SUN2: variants seen among roughly 807,000 people sequenced by gnomAD.
The protein encoded by SUN2 is Sad1 and UNC84 domain containing 2.
SUN2 carries 60 observed loss-of-function variants against 100.0 expected under a neutral mutation model. The observed-to-expected ratio is 0.60, with a 90% CI of 0.49 to 0.74. The LOEUF (loss-of-function observed/expected upper bound fraction) is 0.74, where lower values mean the gene tolerates loss of function less well. Ranked by LOEUF, SUN2 falls within the 30% of genes least tolerant of loss-of-function variation. The probability of loss-of-function intolerance (pLI) is 0.00; values close to 1 mark genes in which losing one functional copy is unlikely to be tolerated. For synonymous variants in SUN2, 367 were observed against 403.3 expected (o/e 0.91, Z 1.08); for missense variants, 834 against 954.6 (o/e 0.87, Z 1.66).
chr22:38,751,378 G>A lies in SUN2; in HGVS notation c.123-5C>T. 1.2e-6 allele frequency: 2 copies of A among 1,613,222 alleles called. No individual in the cohort carries two copies. The highest frequency in any genetic ancestry group is 1.7e-6 in the Non-Finnish European group (2 of 1,179,964). On this transcript the variant is annotated splice_region_variant and splice_polypyrimidine_tract_variant and intron_variant, in intron 2 of 17. Transcript: ENST00000689035. ...CTGGATTTCCTCTTCAAGGTCCTGT[G>A]GGACAACCATGAGGGCAGAGGTAGG...
chr22:38,739,067 GA>G lies in SUN2; in HGVS notation c.1664-80del. Reference sequence around the variant, plus strand: ...TCAGGCCATTGGCTGTCTCCTCGCTGAAGGTGGACGGCAGATGCCCCAGGCC... The same window carrying G: ...TCAGGCCATTGGCTGTCTCCTCGCTGAGGTGGACGGCAGATGCCCCAGGCC... On this transcript the variant is annotated intron_variant, in intron 14 of 17. Coordinates refer to ENST00000689035, the MANE Select transcript of SUN2 (RefSeq NM_015374.3). The surrounding 1 kb of genome is among the most constrained non-coding windows in gnomAD (Gnocchi z 6.7). The G allele has an allele frequency of 2.2e-6, 3 of 1,392,654 alleles. No homozygotes were observed. Among genetic ancestry groups the G allele is most frequent in the Non-Finnish European group, 3.0e-6 (3 of 1,003,762 alleles). The allele number at this position is 1,392,654 out of a possible 1,614,324, so 86.3% of individuals were successfully genotyped here.
intron 1 of SUN2, 74 bp from the exon 2 acceptor site, chr22:38,752,739 CAG>C (rs937339224): frequency 2.1e-5 from 31 of 1,481,832 alleles, no homozygotes; most frequent in African/African-American, 2.8e-5. Context: ...GGAGGTGGGA[CAG>C]AGGCATCGCC....
In SUN2 at chr22:38,755,014, C is replaced by A; in HGVS notation, c.-38+749G>T. The A allele has an allele frequency of 8.0e-7, 1 of 1,242,670 alleles. No individual in the cohort carries two copies. The highest frequency in any genetic ancestry group is 1.1e-6 in the Non-Finnish European group (1 of 951,526). 77.0% of individuals were successfully genotyped at this position (1,242,670 alleles called of 1,614,324 possible). On this transcript the variant is annotated intron_variant, in intron 1 of 17. Coordinates refer to ENST00000689035, the MANE Select transcript of SUN2 (RefSeq NM_015374.3). The surrounding 1 kb of genome is among the most constrained non-coding windows in gnomAD (Gnocchi z 5.7). ...GAATCATAATAGACACCACCCCCGC[C>A]CCACCTCCTCCCTAACAATCAGTTA...
rs917386999 is a variant in SUN2, at chr22:38,735,373, A to T, written c.*894T>A. The T allele has an allele frequency of 1.1e-5, 4 of 379,522 alleles. No homozygotes were observed. The highest frequency in any genetic ancestry group is 3.4e-5 in the Admixed American group (1 of 29,328). The allele number at this position is 379,522 out of a possible 1,614,324, so 23.5% of individuals were successfully genotyped here. Reference sequence around the variant, plus strand: ...CCGATACCCTGAACGTCCCCACAAGAGCCCAGGAGTTCCATGCTCCCCACT... The same window carrying T: ...CCGATACCCTGAACGTCCCCACAAGTGCCCAGGAGTTCCATGCTCCCCACT... On this transcript the variant is annotated 3_prime_UTR_variant, in exon 18 of 18. Transcript: ENST00000689035.
rs2092792067 is a variant in SUN2, at chr22:38,735,186, CA to C, written c.*1080del. 4.4e-6 allele frequency: 2 copies of C among 449,690 alleles called. No individual in the cohort carries two copies. The highest frequency in any genetic ancestry group is 4.0e-5 in the African/African-American group (2 of 49,502). The allele number at this position is 449,690 out of a possible 1,614,324, so 27.9% of individuals were successfully genotyped here. A position where few individuals can be genotyped will look rare whatever the true frequency, so the allele number is the denominator to read the frequency against. ...CTTCCCTATCCAGGGTAACTTCTGC[CA>C]GCCTCTTCCCCCAGCCCCCACCAAC... is the stretch of plus-strand genomic sequence containing the variant. On this transcript the variant is annotated 3_prime_UTR_variant, in exon 18 of 18. Transcript: ENST00000689035.
At chr22:38,742,179 G>C in intron 9 of SUN2, 122 bp downstream of exon 9, 3 of 1,245,374 alleles carry the variant, frequency 2.4e-6, no homozygotes, top group Non-Finnish European at 3.3e-6. Flanking sequence ...GAGAAAGGGA[G>C]TAACTGCAAA....
intron 3 of SUN2, 36 bp downstream of exon 3, chr22:38,751,174 G>A: frequency 1.2e-6 from 2 of 1,604,426 alleles, no homozygotes; most frequent in East Asian, 4.5e-5. Context: ...GGAGGCCGAG[G>A]AAGCAAAGCC....
intron 7 of SUN2, 109 bp from the exon 8 acceptor site, chr22:38,745,920 T>G: frequency 6.8e-7 from 1 of 1,479,518 alleles, no homozygotes; most frequent in East Asian, 2.4e-5. Flanking sequence ...GTCCCACTCG[T>G]GGAGCTGTGC....
rs371249205 is a variant in SUN2 at position 38,751,311 on chromosome 22, G to C, written c.185C>G (p.Ser62Cys). 24 of 1,614,154 alleles carry C rather than the reference G, an allele frequency of 1.5e-5. No homozygotes were observed. The highest frequency in any genetic ancestry group is 1.3e-4 in the African/African-American group (10 of 75,054). ...RLSPAPQLGP[S>C]SDAHTSYYSE... ...GTAGTAGGAGGTGTGTGCATCAGAG[G>C]ACGGGCCCAGCTGTGGCGCTGGGGA... Residue 62 changes from serine to cysteine, a missense_variant, in exon 3 of 18, where the codon TCC (serine) becomes TGC (cysteine). Ser to Cys is a moderately radical substitution (Grantham distance 112). Around this residue, in one of 3 missense-constraint regions of SUN2, gnomAD observed 559 missense variants for 597.7 expected, o/e 0.94. Coordinates refer to ENST00000689035, the MANE Select transcript of SUN2 (RefSeq NM_015374.3).
intron 10 of SUN2, 37 bp downstream of exon 10, chr22:38,741,457 C>T: frequency 3.1e-6 from 5 of 1,603,808 alleles, no homozygotes; most frequent in Non-Finnish European, 4.3e-6. Context: ...GGGGTCAGGA[C>T]CCAGTCACAG....
Position 38,735,461 on chromosome 22 carries a change from GA to G in SUN2, c.*805del. 1 of 298,350 alleles carries G rather than the reference GA, an allele frequency of 3.4e-6. No individual in the cohort carries two copies. The highest frequency in any genetic ancestry group is 6.6e-6 in the Non-Finnish European group (1 of 150,422). The allele number at this position is 298,350 out of a possible 1,614,324, so 18.5% of individuals were successfully genotyped here. A position where few individuals can be genotyped will look rare whatever the true frequency, so the allele number is the denominator to read the frequency against. On this transcript the variant is annotated 3_prime_UTR_variant, in exon 18 of 18. Transcript: ENST00000689035. ...ACAGGTCTAGGTCTCCATACCCTGGGAGAATGTGGAAAGCAAGCTCAGGGGC... is the reference window on the plus strand; with the variant it reads ...ACAGGTCTAGGTCTCCATACCCTGGGGAATGTGGAAAGCAAGCTCAGGGGC...
chr22:38,736,472 C>T (rs562889819), intron 17 of SUN2, 92 bp from the exon 18 acceptor site: 2 of 1,000,196 alleles, frequency 2.0e-6, no homozygotes, highest in South Asian at 3.3e-5. Flanking sequence ...TCGCCTAGGG[C>T]CAGATGGCTC....
rs940859685 is a variant in SUN2, at chr22:38,739,926, C to T, written c.1374G>A (p.Pro458=). The change falls in exon 13 of 18, where the codon CCG becomes CCA. Residue 458 remains proline (P), a synonymous_variant. Coordinates refer to ENST00000689035, the MANE Select transcript of SUN2 (RefSeq NM_015374.3). This position sits in a 1 kb window ranked among gnomAD's most constrained non-coding sequence, Gnocchi z 6.7. The part of the protein sequence containing the change: ...AVRDDVESQF[P]AWISQFLARG... ...GGGCAAGGAACTGACTGATCCAGGC[C>T]GGGAACTGAGATTCCACCTATAGGA... is the stretch of plus-strand genomic sequence containing the variant. 2.1e-5 allele frequency: 34 copies of T among 1,611,492 alleles called. No individual in the cohort carries two copies. Among genetic ancestry groups the T allele is most frequent in the African/African-American group, 9.3e-5 (7 of 74,912 alleles).
intron 6 of SUN2, 50 bp from the exon 7 acceptor site, chr22:38,748,833 C>T: frequency 1.3e-6 from 2 of 1,576,064 alleles, no homozygotes; most frequent in Non-Finnish European, 1.7e-6. Context: ...GTGAGGGGAG[C>T]TCCAGGCCTC....
At chr22:38,753,146 C>T (rs74920115) in intron 1 of SUN2, among the ~76,000 whole-genome samples, 2,835 of 151,596 alleles carry the variant, frequency 0.019, 104 homozygotes, top group African/African-American at 0.065. Flanking sequence ...GACATGTGCT[C>T]GTTCATCGAG....
rs759683752 is a variant in SUN2, at chr22:38,751,387, A to G, written c.123-14T>C. 6.2e-7 allele frequency: 1 copy of G among 1,612,836 alleles called. No individual in the cohort carries two copies. On this transcript the variant is annotated splice_polypyrimidine_tract_variant and intron_variant, in intron 2 of 17. Coordinates refer to ENST00000689035, the MANE Select transcript of SUN2 (RefSeq NM_015374.3). The stretch of plus-strand genomic sequence containing the variant: ...CTCTTCAAGGTCCTGTGGGACAACC[A>G]TGAGGGCAGAGGTAGGGAGCAGGGA...
At position 38,750,247 on chromosome 22, in the gene SUN2, G is replaced by A. The variant is rs935816056; in HGVS notation, c.498C>T (p.Leu166=). The change falls in exon 5 of 18, where the codon CTC becomes CTT. Residue 166 remains leucine (L), a synonymous_variant. Coordinates refer to ENST00000689035, the MANE Select transcript of SUN2 (RefSeq NM_015374.3). ...RSAVSRAGSL[L]WMVATSPGRL... ...CACCTGGCGAAGTGGCCACCATCCA[G>A]AGTAAGGAGCCCGCCCGTGAGACGG... The A allele has an allele frequency of 6.2e-7, 1 of 1,613,262 alleles. No homozygotes were observed. The highest frequency in any genetic ancestry group is 8.5e-7 in the Non-Finnish European group (1 of 1,179,522).
Position 38,741,583 on chromosome 22 carries a change from G to C in SUN2, c.1069-12C>G. 6.2e-7 allele frequency: 1 copy of C among 1,613,574 alleles called. No homozygotes were observed. The highest frequency in any genetic ancestry group is 8.5e-7 in the Non-Finnish European group (1 of 1,179,684). ...GCAGACAGTTCTTCCTGTGAGACGG[G>C]AGTGAGAGGACAGGTTGGACAGAGC... On this transcript the variant is annotated splice_polypyrimidine_tract_variant and intron_variant, in intron 9 of 17. Transcript: ENST00000689035.
At chr22:38,742,077 A>G (rs1216169651) in intron 9 of SUN2, among the ~76,000 whole-genome samples, 1 of 152,004 alleles carries the variant, frequency 6.6e-6, no homozygotes, top group Non-Finnish European at 1.5e-5. Context: ...TGGGAGGCAC[A>G]GGTTGTAGTG....
Sources: gnomAD v4.1 joint callset for allele counts (sites outside exome capture counted in the v4.1 genomes callset) on GRCh38, gnomAD v4.1.1 for gene constraint, gnomAD v4.1.1 regional missense constraint, Gnocchi (gnomAD v3.1) non-coding constraint, MANE v1.5 for transcripts, NCBI Gene and HGNC (gene_info 2026-07-23, HGNC 2026-07-21) for gene names.